ANK2: variants seen among roughly 807,000 people sequenced by gnomAD.
The protein encoded by ANK2 is ankyrin-2.
Under a neutral mutation model 360.5 loss-of-function variants are expected in ANK2, and 83 were observed. The ratio of observed to expected loss-of-function variants is 0.23; its 90% CI spans 0.19 to 0.28. The LOEUF (loss-of-function observed/expected upper bound fraction) is 0.28, where lower values mean the gene tolerates loss of function less well. Among genes scored for constraint, ANK2 ranks in the 10% least tolerant of loss-of-function variants. The probability of loss-of-function intolerance (pLI) is 1.00; values close to 1 mark genes in which losing one functional copy is unlikely to be tolerated. For missense variants in ANK2, 4,201 were observed against 4,795.7 expected, an observed-to-expected ratio of 0.88 and a Z score of 3.66; for synonymous variants, 1,740 against 1,759.5, an observed-to-expected ratio of 0.99 and a Z score of 0.28.
chr4:113,258,943 A>C (rs1419823277), intron 13 of ANK2, among the ~76,000 whole-genome samples: 3 of 152,100 alleles, frequency 2.0e-5, no homozygotes, highest in Admixed American at 6.5e-5. Flanking sequence ...CATTACGTTG[A>C]TTTTTACTTT....
chr4:112,787,470 G>A, the ANK2 span, among the ~76,000 whole-genome samples: 2 of 152,172 alleles, frequency 1.3e-5, no homozygotes, highest in Admixed American at 1.3e-4. Flanking sequence ...CCCAGGCTTT[G>A]TTTTCTGGTG....
intron 31 of ANK2, among the ~76,000 whole-genome samples, chr4:113,338,671 T>G (rs1454193491): frequency 6.8e-6 from 1 of 146,564 alleles, no homozygotes; most frequent in Non-Finnish European, 1.5e-5. Context: ...TGCCTCAGCC[T>G]CCCTAGTAGC....
chr4:113,201,996 C>T (rs1315458412), intron 4 of ANK2, among the ~76,000 whole-genome samples: 2 of 152,150 alleles, frequency 1.3e-5, no homozygotes, highest in African/African-American at 4.8e-5. Flanking sequence ...AACTAACATT[C>T]ATATTGTGCG....
intron 4 of ANK2, among the ~76,000 whole-genome samples, chr4:113,231,791 A>G (rs969820673): frequency 6.6e-6 from 1 of 151,956 alleles, no homozygotes; most frequent in Non-Finnish European, 1.5e-5. Flanking sequence ...TTTAGTAGAG[A>G]TGCGGTTTCA....
chr4:112,938,124 GACT>G (rs886885186), intron 2 of ANK2, among the ~76,000 whole-genome samples: 1 of 152,122 alleles, frequency 6.6e-6, no homozygotes, highest in Non-Finnish European at 1.5e-5. Context: ...AGAATCATGT[GACT>G]ACATGTGTCC....
chr4:113,234,156 A>G (rs1032840959), intron 5 of ANK2, among the ~76,000 whole-genome samples: 3 of 152,230 alleles, frequency 2.0e-5, no homozygotes, highest in East Asian at 1.9e-4. Context: ...GCTCGCTGGC[A>G]TTCCCAGCTG....
intron 2 of ANK2, among the ~76,000 whole-genome samples, chr4:113,018,136 T>C (rs951066074): frequency 6.6e-6 from 1 of 152,252 alleles, no homozygotes; most frequent in Non-Finnish European, 1.5e-5. Flanking sequence ...TCAGTCTTGA[T>C]GTCTGTGTGT....
chr4:112,951,723 T>G (rs1561248924), intron 2 of ANK2, among the ~76,000 whole-genome samples: 1 of 152,242 alleles, frequency 6.6e-6, no homozygotes, highest in East Asian at 1.9e-4. Flanking sequence ...TAAGTATACA[T>G]TCATAAACTT....
chr4:113,060,489 AAAC>A (rs1218154585), intron 1 of ANK2, among the ~76,000 whole-genome samples: 1 of 151,994 alleles, frequency 6.6e-6, no homozygotes, highest in African/African-American at 2.4e-5. Flanking sequence ...CATAGCTCCT[AAAC>A]GAGCTATCCC....
At chr4:113,110,417 G>A (rs902708418) in intron 1 of ANK2, among the ~76,000 whole-genome samples, 2 of 152,056 alleles carry the variant, frequency 1.3e-5, no homozygotes, top group South Asian at 4.1e-4. Flanking sequence ...CAAGAAACAA[G>A]GAATCCCTAG....
chr4:113,347,937 T>A (rs1268840485), intron 35 of ANK2: 1 of 282,136 alleles, frequency 3.5e-6, no homozygotes, highest in Non-Finnish European at 6.7e-6. Flanking sequence ...ATATCTGTAA[T>A]GATTGGGATA....
intron 1 of ANK2, among the ~76,000 whole-genome samples, chr4:112,854,037 C>T (rs763390076): frequency 6.6e-6 from 1 of 152,034 alleles, no homozygotes; most frequent in Admixed American, 6.6e-5. Flanking sequence ...GGGAGATGTA[C>T]CTGTAAGAAA....
At chr4:112,731,863 A>G in the ANK2 span, among the ~76,000 whole-genome samples, 2 of 152,350 alleles carry the variant, frequency 1.3e-5, no homozygotes, top group East Asian at 3.9e-4. Flanking sequence ...GTTCACAGGC[A>G]CAATCATTGC....
chr4:112,926,635 G>A (rs894604852), intron 2 of ANK2, among the ~76,000 whole-genome samples: 1 of 152,124 alleles, frequency 6.6e-6, no homozygotes, highest in African/African-American at 2.4e-5. Context: ...AACTTGTAGA[G>A]GTAGATGTTA....
intron 15 of ANK2, among the ~76,000 whole-genome samples, chr4:113,276,163 G>A (rs894536445): frequency 6.6e-6 from 1 of 152,078 alleles, no homozygotes; most frequent in African/African-American, 2.4e-5. Context: ...GGATGGACTC[G>A]ATCTCCTGAC....
At position 113,357,257 on chromosome 4, in the gene ANK2, A is replaced by T. The variant is rs755323767; in HGVS notation, c.8639A>T (p.Asp2880Val). 2 of 1,614,100 alleles carry T rather than the reference A, an allele frequency of 1.2e-6. No individual in the cohort carries two copies. The highest frequency in any genetic ancestry group is 1.7e-6 in the Non-Finnish European group (2 of 1,180,004). ...CAAAAAACAGAGGTCACAAAAACTG[A>T]TGAAACATTTGAGAACTTACCAAAG... ...SIQKTEVTKT[D>V]ETFENLPKDC... is the part of the protein sequence containing the mutation. The change falls in exon 38 of 46, where the codon GAT (aspartate) becomes GTT (valine). Residue 2880 changes from aspartate to valine, a missense_variant. Coordinates refer to ENST00000357077, the MANE Select transcript of ANK2 (RefSeq NM_001148.6).
chr4:113,047,889 C>T (rs1315271565), upstream of ANK2, among the ~76,000 whole-genome samples: 1 of 151,954 alleles, frequency 6.6e-6, no homozygotes, highest in African/African-American at 2.4e-5. Context: ...GCAATCCTAA[C>T]AGCAATGGGG....
At chr4:113,320,394 C>T (rs556199208) in intron 26 of ANK2, among the ~76,000 whole-genome samples, 2 of 152,304 alleles carry the variant, frequency 1.3e-5, no homozygotes, top group South Asian at 4.1e-4. Flanking sequence ...TGGCTCACGC[C>T]TATAATCCCA....
chr4:113,316,456 A>C (rs2083037452), intron 24 of ANK2, among the ~76,000 whole-genome samples: 7 of 152,226 alleles, frequency 4.6e-5, no homozygotes, highest in Admixed American at 4.6e-4. Flanking sequence ...ATGATAGTAC[A>C]TGGCTTACAA....
Sources: allele counts gnomAD v4.1 joint callset (sites outside exome capture counted in the v4.1 genomes callset), GRCh38; gene constraint gnomAD v4.1.1; transcripts MANE v1.5; gene names NCBI Gene and HGNC (gene_info 2026-07-23, HGNC 2026-07-21).